Variants in CTNNA2 observed in about 807,000 individuals in gnomAD.
The protein encoded by CTNNA2 is catenin alpha 2.
A neutral mutation model predicts 101.0 loss-of-function variants in CTNNA2; 42 were observed. The observed-to-expected ratio is 0.42, with a 90% CI of 0.32 to 0.54. The LOEUF is 0.54. CTNNA2 is among the 20% of genes least tolerant of loss of function. The pLI is 0.14. For synonymous variants in CTNNA2, 450 were observed against 456.4 expected (o/e 0.99, Z 0.18); for missense variants, 871 against 1,223.1 (o/e 0.71, Z 4.29).
chr2:79,458,840 T>G (rs1385507549), intron 4 of CTNNA2, among the ~76,000 whole-genome samples: 1 of 152,086 alleles, frequency 6.6e-6, no homozygotes, highest in Non-Finnish European at 1.5e-5. Context: ...CGAAAAAGAT[T>G]AATAATCATG....
intron 7 of CTNNA2, among the ~76,000 whole-genome samples, chr2:80,215,825 G>C (rs995698557): frequency 6.6e-6 from 1 of 152,176 alleles, no homozygotes; most frequent in African/African-American, 2.4e-5. Context: ...AGAAGTTTCT[G>C]CTGCCTTTTG....
At position 80,601,419 on chromosome 2, in the gene CTNNA2, TTC is replaced by T. The variant is rs1242672013; in HGVS notation, c.2190-2653_2190-2652del. Among the ~76,000 whole-genome samples the T allele has an allele frequency of 1.1e-3, 130 of 116,810 alleles. 1 individual carries two copies. The highest frequency in any genetic ancestry group is 3.2e-3 in the Admixed American group (36 of 11,320). 76.6% of individuals were successfully genotyped at this position (116,810 alleles called of 152,430 possible). A position where few individuals can be genotyped will look rare whatever the true frequency, so the allele number is the denominator to read the frequency against. Reference sequence around the variant, plus strand: ...TTTAATGACTTTTTTCTTTCTTTCTTTCTTTTTTTTTTTTTTTGATGAGTTCT... The same window carrying T: ...TTTAATGACTTTTTTCTTTCTTTCTTTTTTTTTTTTTTTTTGATGAGTTCT... On this transcript the variant is annotated intron_variant, in intron 15 of 18. Coordinates refer to ENST00000402739, the MANE Select transcript of CTNNA2 (RefSeq NM_001282597.3).
chr2:80,590,665 A>G (rs751909692), intron 15 of CTNNA2, among the ~76,000 whole-genome samples: 28 of 152,142 alleles, frequency 1.8e-4, no homozygotes, highest in Non-Finnish European at 3.7e-4. Context: ...GCCAATATGT[A>G]CTAATGACAT....
chr2:79,673,420 A>G (rs1216064412), intron 2 of CTNNA2, among the ~76,000 whole-genome samples: 2 of 152,214 alleles, frequency 1.3e-5, no homozygotes, highest in Non-Finnish European at 2.9e-5. Flanking sequence ...AAAGTACAAT[A>G]ATAAATTATA....
At chr2:80,333,582 G>A (rs1301170525) in intron 7 of CTNNA2, among the ~76,000 whole-genome samples, 8 of 152,326 alleles carry the variant, frequency 5.3e-5, no homozygotes, top group Admixed American at 5.2e-4. Context: ...CCATTGGTCA[G>A]TGAGTTGCTC....
At chr2:79,743,129 A>G (rs1284797850) in intron 2 of CTNNA2, among the ~76,000 whole-genome samples, 1 of 152,152 alleles carries the variant, frequency 6.6e-6, no homozygotes, top group East Asian at 1.9e-4. Flanking sequence ...ACCAGGATAA[A>G]TATCAACGAA....
chr2:80,429,962 A>G (rs1373323136), intron 9 of CTNNA2, among the ~76,000 whole-genome samples: 1 of 152,212 alleles, frequency 6.6e-6, no homozygotes, highest in Non-Finnish European at 1.5e-5. Flanking sequence ...ACATTTCAAT[A>G]TTTATACCAT....
intron 3 of CTNNA2, among the ~76,000 whole-genome samples, chr2:79,751,837 G>C (rs1291422143): frequency 6.6e-6 from 1 of 152,124 alleles, no homozygotes; most frequent in East Asian, 1.9e-4. Context: ...GGTTAGGTGT[G>C]ATCATAATAT....
intron 7 of CTNNA2, among the ~76,000 whole-genome samples, chr2:80,218,536 C>T (rs1183598519): frequency 6.6e-6 from 1 of 152,246 alleles, no homozygotes; most frequent in African/African-American, 2.4e-5. Context: ...GCTCTGGAAT[C>T]AGAGGAGATT....
At chr2:80,510,899 G>A (rs932930665) in intron 9 of CTNNA2, among the ~76,000 whole-genome samples, 3 of 152,088 alleles carry the variant, frequency 2.0e-5, no homozygotes, top group Non-Finnish European at 4.4e-5. Context: ...TTGTTTATAT[G>A]TTTTTATCAC....
At chr2:79,719,008 A>G (rs192742246) in intron 2 of CTNNA2, among the ~76,000 whole-genome samples, 77 of 152,176 alleles carry the variant, frequency 5.1e-4, no homozygotes, top group African/African-American at 1.8e-3. Context: ...ATGGTATGCA[A>G]TAAGTAGTTT....
intron 17 of CTNNA2, among the ~76,000 whole-genome samples, chr2:80,610,549 C>A (rs1450874552): frequency 1.3e-5 from 2 of 151,550 alleles, no homozygotes; most frequent in African/African-American, 4.8e-5. Context: ...GGATTCAAAG[C>A]CACGGCTTCT....
intron 16 of CTNNA2, among the ~76,000 whole-genome samples, chr2:80,606,414 C>CACACACCCA (rs1558638318): frequency 4.8e-4 from 25 of 51,630 alleles, no homozygotes; most frequent in South Asian, 4.4e-3. Flanking sequence ...ACACACACAC[C>CACACACCCA]CCCCAGGATA....
chr2:80,591,655 G>A (rs1193750292), intron 15 of CTNNA2, among the ~76,000 whole-genome samples: 1 of 151,830 alleles, frequency 6.6e-6, no homozygotes, highest in East Asian at 1.9e-4. Context: ...TTTAAAGAAT[G>A]GATGTAGCTG....
At chr2:80,101,946 T>C (rs1330647397) in intron 7 of CTNNA2, among the ~76,000 whole-genome samples, 3 of 152,268 alleles carry the variant, frequency 2.0e-5, no homozygotes, top group East Asian at 3.9e-4. Flanking sequence ...TCTGCTCTTG[T>C]AGATTCTTAT....
At chr2:79,678,112 G>A (rs1683307405) in intron 2 of CTNNA2, among the ~76,000 whole-genome samples, 1 of 152,160 alleles carries the variant, frequency 6.6e-6, no homozygotes, top group Admixed American at 6.5e-5. Flanking sequence ...TATACAGAAG[G>A]CAGATAGTTA....
At chr2:80,408,975 A>C (rs535361950) in intron 8 of CTNNA2, among the ~76,000 whole-genome samples, 26 of 152,302 alleles carry the variant, frequency 1.7e-4, no homozygotes, top group Admixed American at 1.2e-3. Context: ...CATTGTAAGG[A>C]AGGTCAAATG....
In CTNNA2 at chr2:79,214,800, T is replaced by C. The variant is rs180847389; in HGVS notation, c.-406+16724T>C. On this transcript the variant is annotated intron_variant, in intron 2 of 21. Coordinates refer to the CTNNA2 transcript ENST00000466387. ...AAATATCTCGGCCTAATAAGGGAAC[T>C]GGGCAGGTGGGGATAAGTAAAAAAG... is the stretch of plus-strand genomic sequence containing the variant. Among the ~76,000 whole-genome samples, 6 of 152,062 alleles carry C rather than the reference T, an allele frequency of 3.9e-5. No homozygotes were observed. In the East Asian group the frequency reaches 5.9e-4, roughly 15 times the overall value.
intron 7 of CTNNA2, among the ~76,000 whole-genome samples, chr2:79,999,501 A>G (rs1023721845): frequency 6.6e-6 from 1 of 152,188 alleles, no homozygotes; most frequent in East Asian, 1.9e-4. Context: ...TAGGCATGGA[A>G]TGGTACAAGG....
Sources: gnomAD v4.1 joint callset for allele counts (sites outside exome capture counted in the v4.1 genomes callset) on GRCh38, gnomAD v4.1.1 for gene constraint, MANE v1.5 for transcripts, NCBI Gene and HGNC (gene_info 2026-07-23, HGNC 2026-07-21) for gene names.